TEX11: variants seen among roughly 807,000 people sequenced by gnomAD.
TEX11 encodes testis-expressed protein 11.
A neutral mutation model predicts 84.4 loss-of-function variants in TEX11; 7 were observed. That is an observed-to-expected ratio of 0.08 (90% CI 0.05 to 0.16). The LOEUF is 0.16. Ranked by LOEUF, TEX11 falls within the 10% of genes least tolerant of loss-of-function variation. The pLI, the probability that TEX11 is intolerant of heterozygous loss-of-function variation, is 1.00. For synonymous variants in TEX11, 264 were observed against 222.8 expected (o/e 1.18, Z -1.64); for missense variants, 551 against 660.5 (o/e 0.83, Z 1.82).
At chrX:70,819,718 C>T (rs1234413738) in intron 8 of TEX11, among the ~76,000 whole-genome samples, 3 of 111,784 alleles carry the variant, frequency 2.7e-5, no homozygotes, top group African/African-American at 6.5e-5. Flanking sequence ...AACTAATAAA[C>T]AAATTAAAGT....
chrX:70,537,721 C>T (rs2087980444), intron 28 of TEX11, among the ~76,000 whole-genome samples: 1 of 111,060 alleles, frequency 9.0e-6, no homozygotes, highest in Non-Finnish European at 1.9e-5. Flanking sequence ...AAAAGTGTTG[C>T]GTTAGTTACC....
intron 11 of TEX11, among the ~76,000 whole-genome samples, chrX:70,726,833 T>C (rs1457197065): frequency 2.0e-5 from 2 of 100,380 alleles, no homozygotes; most frequent in African/African-American, 7.4e-5. Context: ...GCCTGGCTGC[T>C]TTTTTTTTTT....
At position 70,840,987 on chromosome X, in the gene TEX11, T is replaced by TTG. The variant is rs1199391189; in HGVS notation, c.526-7395_526-7394insCA. On this transcript the variant is annotated intron_variant, in intron 7 of 29. Transcript: ENST00000374333. ...GCACCCAGATTCATAAAGCAAGTCCTGAGTGACCTACAAAGAGACTTAGAC... is the reference window on the plus strand; with the variant it reads ...GCACCCAGATTCATAAAGCAAGTCCTTGGAGTGACCTACAAAGAGACTTAGAC... 1.6e-3 allele frequency among the ~76,000 whole-genome samples: 181 copies of TTG among 110,846 alleles called. 2 individuals are homozygous for TTG. The highest frequency in any genetic ancestry group is 5.7e-3 in the African/African-American group (175 of 30,623).
At chrX:70,806,886 T>C (rs2091222662) in intron 8 of TEX11, 96 bp from the exon 9 acceptor site, 6 of 535,660 alleles carry the variant, frequency 1.1e-5, no homozygotes, top group Non-Finnish European at 1.8e-5. Flanking sequence ...CGGTGCCACA[T>C]CACTCCAGCC....
chrX:70,648,137 A>G (rs182930580), intron 17 of TEX11, among the ~76,000 whole-genome samples: 30 of 111,325 alleles, frequency 2.7e-4, no homozygotes, highest in Admixed American at 1.3e-3. Flanking sequence ...GCTGGAAACC[A>G]TCATTCTCAG....
At chrX:70,885,243 C>G (rs1202266464) in intron 2 of TEX11, among the ~76,000 whole-genome samples, 1 of 111,575 alleles carries the variant, frequency 9.0e-6, no homozygotes, top group African/African-American at 3.3e-5. Flanking sequence ...CAGGCACCAA[C>G]AGTGGGTCAA....
Position 70,591,836 on chromosome X carries a change from A to C in TEX11, c.2068-13T>G. 8.5e-7 allele frequency: 1 copy of C among 1,178,859 alleles called. No homozygotes were observed. Among genetic ancestry groups the C allele is most frequent in the African/African-American group, 1.7e-5 (1 of 57,252 alleles). Reference sequence around the variant, plus strand: ...TCAGGAACATGGTCTGTTTGGCAACAGTGCAACAAGTTAATTAGTCCCAAC... The same window carrying C: ...TCAGGAACATGGTCTGTTTGGCAACCGTGCAACAAGTTAATTAGTCCCAAC... On this transcript the variant is annotated splice_polypyrimidine_tract_variant and intron_variant, in intron 24 of 29. Coordinates refer to ENST00000374333, the MANE Select transcript of TEX11 (RefSeq NM_031276.3).
chrX:70,640,748 C>CTT (rs1300442754), intron 17 of TEX11, among the ~76,000 whole-genome samples: 29 of 109,798 alleles, frequency 2.6e-4, no homozygotes, highest in African/African-American at 9.3e-4. Flanking sequence ...CAGGCCTGCC[C>CTT]TAAAAGAGCT....
chrX:70,751,884 A>C (rs961581186), intron 9 of TEX11, among the ~76,000 whole-genome samples: 2 of 112,389 alleles, frequency 1.8e-5, no homozygotes, highest in African/African-American at 6.5e-5. Flanking sequence ...TTATAAAAGA[A>C]AGTATGATTA....
chrX:70,513,275 C>T, the TEX11 span, among the ~76,000 whole-genome samples: 285 of 104,648 alleles, frequency 2.7e-3, 13 homozygotes, highest in African/African-American at 9.5e-3. Flanking sequence ...ATTGCTTGAA[C>T]CTGGGAGGCG....
chrX:70,538,277 T>A, intron 28 of TEX11, among the ~76,000 whole-genome samples: 1 of 111,038 alleles, frequency 9.0e-6, no homozygotes, highest in South Asian at 3.8e-4. Context: ...TTAAAAGATT[T>A]GAGGGAAAGG....
intron 7 of TEX11, among the ~76,000 whole-genome samples, chrX:70,843,593 C>A (rs1354953227): frequency 3.6e-5 from 4 of 111,393 alleles, no homozygotes; most frequent in South Asian, 7.4e-4. Context: ...GCAACAAAAG[C>A]CAAAATTGAC....
chrX:70,860,293 A>G (rs902927258), intron 5 of TEX11, among the ~76,000 whole-genome samples: 2 of 111,796 alleles, frequency 1.8e-5, no homozygotes, highest in Non-Finnish European at 3.8e-5. Flanking sequence ...AAATTCTACC[A>G]CTATGTATTT....
intron 13 of TEX11, among the ~76,000 whole-genome samples, chrX:70,690,309 T>C (rs1329160049): frequency 8.9e-6 from 1 of 112,017 alleles, no homozygotes; most frequent in Non-Finnish European, 1.9e-5. Context: ...CTATATAAGA[T>C]GGCAATACTA....
chrX:70,836,064 C>T (rs968774003), intron 7 of TEX11, among the ~76,000 whole-genome samples: 6 of 100,395 alleles, frequency 6.0e-5, no homozygotes, highest in East Asian at 6.3e-4. Context: ...TGCAGTGAGC[C>T]GAGATGGCGC....
At chrX:70,862,275 C>T (rs184018479) in intron 4 of TEX11, among the ~76,000 whole-genome samples, 1,493 of 111,934 alleles carry the variant, frequency 0.013, 15 homozygotes, top group Non-Finnish European at 0.021. Flanking sequence ...ATAATTATAA[C>T]CTCTTTATTT....
intron 25 of TEX11, among the ~76,000 whole-genome samples, chrX:70,584,816 C>T (rs922039291): frequency 2.7e-5 from 3 of 111,666 alleles, no homozygotes; most frequent in Admixed American, 9.6e-5. Flanking sequence ...GCAGAAAAAT[C>T]ATGTGATGAA....
At chrX:70,634,041 T>G (rs1382235447) in intron 17 of TEX11, among the ~76,000 whole-genome samples, 1 of 112,294 alleles carries the variant, frequency 8.9e-6, no homozygotes, top group East Asian at 2.8e-4. Context: ...GGATATAAGA[T>G]CAATATACAA....
In TEX11 at chrX:70,641,300, T is replaced by C. The variant is rs1432450903; in HGVS notation, c.1483+10150A>G. 3.0e-4 allele frequency among the ~76,000 whole-genome samples: 33 copies of C among 111,208 alleles called. 1 individual carries two copies. Among genetic ancestry groups the C allele is most frequent in the Admixed American group, 2.7e-3 (28 of 10,445 alleles). On this transcript the variant is annotated intron_variant, in intron 17 of 29. Transcript: ENST00000374333. The stretch of plus-strand genomic sequence containing the variant: ...TGAGTGACCTACAAAGAGACTTAGA[T>C]TCCCACACATTAATAATGGGAGGCT...
Sources: gnomAD v4.1 joint callset for allele counts (sites outside exome capture counted in the v4.1 genomes callset) on GRCh38, gnomAD v4.1.1 for gene constraint, MANE v1.5 for transcripts, NCBI Gene and HGNC (gene_info 2026-07-23, HGNC 2026-07-21) for gene names.